Variants in CTNNA2 observed in about 807,000 individuals in gnomAD.
CTNNA2 encodes the protein catenin alpha-2.
A neutral mutation model predicts 101.0 loss-of-function variants in CTNNA2; 42 were observed. The observed-to-expected ratio is 0.42, with a 90% CI of 0.32 to 0.54. The LOEUF (loss-of-function observed/expected upper bound fraction) is 0.54. CTNNA2 is among the 20% of genes least tolerant of loss of function. The pLI, the probability that CTNNA2 is intolerant of heterozygous loss-of-function variation, is 0.14. For missense variants in CTNNA2, 871 were observed against 1,223.1 expected (o/e 0.71, Z 4.29); for synonymous variants, 450 against 456.4 (o/e 0.99, Z 0.18).
At chr2:79,921,332 G>T (rs1686640094) in intron 7 of CTNNA2, among the ~76,000 whole-genome samples, 1 of 152,166 alleles carries the variant, frequency 6.6e-6, no homozygotes, top group Non-Finnish European at 1.5e-5. Context: ...AAATAACTTT[G>T]TAAGAAATCA....
chr2:79,343,066 T>C (rs1677172772), intron 3 of CTNNA2, among the ~76,000 whole-genome samples: 2 of 152,234 alleles, frequency 1.3e-5, no homozygotes, highest in African/African-American at 4.8e-5. Context: ...ATTGCAGCTG[T>C]GCACATTGAT....
chr2:80,570,207 C>T (rs865908527), intron 12 of CTNNA2, among the ~76,000 whole-genome samples: 2 of 152,080 alleles, frequency 1.3e-5, no homozygotes, highest in Admixed American at 6.5e-5. Context: ...TGCCACCATG[C>T]CTGGCTATGT....
At chr2:80,104,954 T>C (rs1700788019) in intron 7 of CTNNA2, among the ~76,000 whole-genome samples, 1 of 152,242 alleles carries the variant, frequency 6.6e-6, no homozygotes, top group African/African-American at 2.4e-5. Context: ...AAAATTTCAA[T>C]GATTGTAATG....
At chr2:79,412,535 A>G (rs1176421781) in intron 4 of CTNNA2, among the ~76,000 whole-genome samples, 1 of 152,040 alleles carries the variant, frequency 6.6e-6, no homozygotes, top group Non-Finnish European at 1.5e-5. Flanking sequence ...CAGAAATTAT[A>G]ACAAACTGTC....
At chr2:79,499,507 C>A (rs541359671) in intron 4 of CTNNA2, among the ~76,000 whole-genome samples, 1 of 152,172 alleles carries the variant, frequency 6.6e-6, no homozygotes, top group Non-Finnish European at 1.5e-5. Flanking sequence ...GACTTCTCAT[C>A]GCAATTATAA....
chr2:79,509,148 A>G (rs1435725419), upstream of CTNNA2, among the ~76,000 whole-genome samples: 2 of 151,942 alleles, frequency 1.3e-5, no homozygotes, highest in East Asian at 1.9e-4. Flanking sequence ...ACATAAAACG[A>G]CAAAAGTGAA....
intron 3 of CTNNA2, among the ~76,000 whole-genome samples, chr2:79,835,548 C>T (rs1002636418): frequency 1.3e-5 from 2 of 151,934 alleles, no homozygotes; most frequent in Admixed American, 1.3e-4. Flanking sequence ...TGAATATCTG[C>T]CTACTTATGC....
intron 3 of CTNNA2, among the ~76,000 whole-genome samples, chr2:79,825,223 A>C (rs183287402): frequency 6.6e-6 from 1 of 152,290 alleles, no homozygotes; most frequent in East Asian, 1.9e-4. Context: ...AGAGAGACAG[A>C]GAGAAAGATA....
intron 2 of CTNNA2, among the ~76,000 whole-genome samples, chr2:79,226,340 T>C (rs1674408494): frequency 6.6e-6 from 1 of 152,160 alleles, no homozygotes; most frequent in African/African-American, 2.4e-5. Flanking sequence ...AAAACTGGAA[T>C]AGCAATAGAG....
intron 15 of CTNNA2, among the ~76,000 whole-genome samples, chr2:80,590,722 A>C (rs1339071962): frequency 6.6e-6 from 1 of 151,980 alleles, no homozygotes; most frequent in East Asian, 1.9e-4. Context: ...TTTTTACTTC[A>C]GTGGAATGAT....
At chr2:80,577,082 A>C (rs1695119307) in intron 13 of CTNNA2, among the ~76,000 whole-genome samples, 1 of 152,194 alleles carries the variant, frequency 6.6e-6, no homozygotes, top group Non-Finnish European at 1.5e-5. Context: ...AGTATGATTA[A>C]AAATTGGTAA....
At chr2:80,268,254 G>A (rs532969728) in intron 7 of CTNNA2, among the ~76,000 whole-genome samples, 2 of 152,340 alleles carry the variant, frequency 1.3e-5, no homozygotes, top group African/African-American at 4.8e-5. Context: ...AAGGGGGTGG[G>A]TACCGGCTGG....
chr2:80,517,221 G>A (rs1433764847), intron 9 of CTNNA2, among the ~76,000 whole-genome samples: 3 of 152,218 alleles, frequency 2.0e-5, no homozygotes, highest in African/African-American at 7.2e-5. Context: ...CCAAAACATG[G>A]AACACAAAAT....
At chr2:79,379,086 A>G (rs1678011668) in intron 4 of CTNNA2, among the ~76,000 whole-genome samples, 1 of 152,148 alleles carries the variant, frequency 6.6e-6, no homozygotes, top group Non-Finnish European at 1.5e-5. Flanking sequence ...TTAATTTTAG[A>G]TATATTTAAA....
Position 80,645,397 on chromosome 2 carries a change from T to C in CTNNA2, c.2575-2188T>C, listed in dbSNP as rs1391268873. ...GAAAGACGAAAAAGTAAAATTCATGTGAGATAACTGGCTATGATATTACCA... is the reference window on the plus strand; with the variant it reads ...GAAAGACGAAAAAGTAAAATTCATGCGAGATAACTGGCTATGATATTACCA... On this transcript the variant is annotated intron_variant, in intron 18 of 18. Coordinates refer to ENST00000402739, the MANE Select transcript of CTNNA2 (RefSeq NM_001282597.3). Among the ~76,000 whole-genome samples, 5 of 152,148 alleles carry C rather than the reference T, an allele frequency of 3.3e-5. No individual in the cohort carries two copies. The East Asian group carries it at 9.7e-4, about 29-fold the overall frequency.
In CTNNA2 at chr2:80,504,252, CA is replaced by C. The variant is rs1318215040; in HGVS notation, c.1291-40729del. Among the ~76,000 whole-genome samples the C allele has an allele frequency of 3.3e-5, 5 of 152,130 alleles. No individual in the cohort carries two copies. In the East Asian group the frequency reaches 7.7e-4, roughly 24 times the overall value. ...TTTCACTTTCTTGCCAGCCGTTAGC[CA>C]GGGGCTACTCTTTGTTCCCACCCGA... On this transcript the variant is annotated intron_variant, in intron 9 of 18. Coordinates refer to ENST00000402739, the MANE Select transcript of CTNNA2 (RefSeq NM_001282597.3).
Position 79,886,821 on chromosome 2 carries a change from G to A in CTNNA2, c.852+12479G>A, listed in dbSNP as rs182065217. Among the ~76,000 whole-genome samples the A allele has an allele frequency of 3.2e-3, 471 of 146,186 alleles. 5 individuals are homozygous for A. Among genetic ancestry groups the A allele is most frequent in the African/African-American group, 0.01 (412 of 39,566 alleles). On this transcript the variant is annotated intron_variant, in intron 6 of 18. Coordinates refer to ENST00000402739, the MANE Select transcript of CTNNA2 (RefSeq NM_001282597.3). ...GACTTGTGGGGTTTTTGTTGTTGTC[G>A]TTGTTTTGTTTGTTTTTGTTTTTGA...
intron 14 of CTNNA2, among the ~76,000 whole-genome samples, chr2:80,583,946 C>G (rs1050810019): frequency 6.6e-6 from 1 of 152,098 alleles, no homozygotes; most frequent in African/African-American, 2.4e-5. Flanking sequence ...GCTCATTTGA[C>G]TTTGAGGTCT....
At chr2:80,372,481 C>T (rs1379963843) in intron 7 of CTNNA2, among the ~76,000 whole-genome samples, 1 of 151,490 alleles carries the variant, frequency 6.6e-6, no homozygotes, top group Non-Finnish European at 1.5e-5. Context: ...AGTGTAGAAC[C>T]TGGATTTGAT....
Sources: allele counts gnomAD v4.1 joint callset (sites outside exome capture counted in the v4.1 genomes callset), GRCh38; gene constraint gnomAD v4.1.1; transcripts MANE v1.5; gene names NCBI Gene and HGNC (gene_info 2026-07-23, HGNC 2026-07-21).